The following RGS9 variants were observed in gnomAD, a reference collection of about 807,000 sequenced individuals.
RGS9 encodes the protein regulator of G-protein signalling 9.
RGS9 carries 78 observed loss-of-function variants against 102.0 expected under a neutral mutation model. The observed-to-expected ratio is 0.76, with a 90% CI of 0.64 to 0.92. The LOEUF is 0.92. Ranked by LOEUF, RGS9 falls within the 40% of genes least tolerant of loss-of-function variation. The pLI, the probability that RGS9 is intolerant of heterozygous loss-of-function variation, is 0.00. For missense variants in RGS9, 833 were observed against 866.1 expected, an observed-to-expected ratio of 0.96 and a Z score of 0.48; for synonymous variants, 353 against 318.6, an observed-to-expected ratio of 1.11 and a Z score of -1.15.
At chr17:65,191,023 T>A (rs1057049428) in intron 11 of RGS9, among the ~76,000 whole-genome samples, 2 of 152,212 alleles carry the variant, frequency 1.3e-5, no homozygotes, top group African/African-American at 4.8e-5. Context: ...ATGTTTTACA[T>A]CTTCCTATGT....
chr17:65,170,323 G>T (rs1164914758), intron 8 of RGS9, among the ~76,000 whole-genome samples: 1 of 152,134 alleles, frequency 6.6e-6, no homozygotes, highest in Non-Finnish European at 1.5e-5. Context: ...AAAGTGCTGG[G>T]ATTACAGGCG....
intron 2 of RGS9, 43 bp from the exon 3 acceptor site, chr17:65,158,252 C>G: frequency 6.3e-7 from 1 of 1,590,888 alleles, no homozygotes; most frequent in Non-Finnish European, 8.6e-7. Context: ...GGGGATGTGT[C>G]AGGAGGCTAT....
At chr17:65,203,141 C>A (rs527487970) in intron 14 of RGS9, among the ~76,000 whole-genome samples, 2 of 152,326 alleles carry the variant, frequency 1.3e-5, no homozygotes, top group South Asian at 4.1e-4. Context: ...CCCCGGTTTC[C>A]AGAGAAGCAC....
In RGS9 at chr17:65,224,162, T is replaced by C. The variant is rs147685199; in HGVS notation, c.1408-840T>C. Among the ~76,000 whole-genome samples the C allele has an allele frequency of 9.8e-5, 15 of 152,330 alleles. No individual in the cohort carries two copies. In the East Asian group the frequency reaches 2.9e-3, roughly 29 times the overall value. On this transcript the variant is annotated intron_variant, in intron 17 of 18. Transcript: ENST00000262406. ...TGTTCCGCCATGGGAAAAGTGGTGATAGCAGACAGGCTCACTGAAAATTCC... is the reference window on the plus strand; with the variant it reads ...TGTTCCGCCATGGGAAAAGTGGTGACAGCAGACAGGCTCACTGAAAATTCC...
At chr17:65,149,124 G>C (rs1462841416) in intron 1 of RGS9, among the ~76,000 whole-genome samples, 1 of 127,132 alleles carries the variant, frequency 7.9e-6, no homozygotes, top group East Asian at 2.0e-4. Flanking sequence ...ACCATGCCCG[G>C]CTAGTTTTTT....
At chr17:65,156,516 C>T (rs757677901) in intron 2 of RGS9, among the ~76,000 whole-genome samples, 1 of 152,072 alleles carries the variant, frequency 6.6e-6, no homozygotes, top group Admixed American at 6.5e-5. Flanking sequence ...ACAACAGCAC[C>T]GATAAAAAAA....
intron 9 of RGS9, among the ~76,000 whole-genome samples, chr17:65,181,849 TGTGTA>T (rs1187125816): frequency 1.3e-5 from 2 of 152,250 alleles, no homozygotes; most frequent in African/African-American, 4.8e-5. Flanking sequence ...GGATCACTTA[TGTGTA>T]GTGTCTAGAA....
Position 65,225,123 on chromosome 17 carries a change from C to G in RGS9, c.1529C>G (p.Pro510Arg), listed in dbSNP as rs1172931525. Residue 510 changes from proline (P) to arginine (R), a missense_variant, in exon 18 of 19, where the codon CCC becomes CGC. Physicochemically the swap from Pro to Arg is moderately radical, Grantham distance 103 (BLOSUM62 -2). This residue lies in a region of RGS9 where 320 missense variants were observed against 276.8 expected (regional missense o/e 1.16). Transcript: ENST00000262406. The stretch of plus-strand genomic sequence containing the variant: ...TCCCCCAGGAAGCCTTTCGCCTCAC[C>G]CAGCCGCTTCATCCGGCGACCCAGC... ...CRSPRKPFAS[P>R]SRFIRRPSTT... is the part of the protein sequence containing the mutation. The G allele has an allele frequency of 1.2e-6, 2 of 1,613,878 alleles. No individual in the cohort carries two copies. Among genetic ancestry groups the G allele is most frequent in the Admixed American group, 1.7e-5 (1 of 60,030 alleles).
At chr17:65,206,032 A>G (rs1387393265) in intron 15 of RGS9, among the ~76,000 whole-genome samples, 2 of 152,166 alleles carry the variant, frequency 1.3e-5, no homozygotes, top group African/African-American at 4.8e-5. Context: ...GATATAGGCT[A>G]TGTGATATAG....
At chr17:65,221,429 T>A (rs1913703505) in intron 17 of RGS9, among the ~76,000 whole-genome samples, 1 of 152,214 alleles carries the variant, frequency 6.6e-6, no homozygotes, top group Admixed American at 6.5e-5. Flanking sequence ...TCTGTATCTC[T>A]CTTGACAAAG....
chr17:65,217,828 C>T (rs1470928264), intron 17 of RGS9, among the ~76,000 whole-genome samples: 1 of 152,100 alleles, frequency 6.6e-6, no homozygotes, highest in Non-Finnish European at 1.5e-5. Context: ...AGTTTACTCT[C>T]TGATGTTGCA....
At chr17:65,152,318 G>A (rs577104032) in intron 1 of RGS9, among the ~76,000 whole-genome samples, 147 of 152,294 alleles carry the variant, frequency 9.7e-4, no homozygotes, top group African/African-American at 3.1e-3. Flanking sequence ...AGAGGGAGCC[G>A]GTGGGGAGTG....
intron 1 of RGS9, 38 bp from the exon 2 acceptor site, chr17:65,153,384 G>A (rs1424016159): frequency 6.4e-7 from 1 of 1,562,344 alleles, no homozygotes; most frequent in South Asian, 1.1e-5. Context: ...TTTCAAAATT[G>A]TTCTCGTCAG....
At chr17:65,137,657 G>A (rs1334707487) in intron 1 of RGS9, 60 bp downstream of exon 1, 2 of 1,562,576 alleles carry the variant, frequency 1.3e-6, no homozygotes, top group Non-Finnish European at 1.8e-6. Context: ...TCTGCGAAGC[G>A]TCCGAGGACA....
intron 10 of RGS9, 109 bp downstream of exon 10, chr17:65,189,424 T>A: frequency 2.4e-6 from 2 of 837,822 alleles, no homozygotes; most frequent in Non-Finnish European, 4.2e-6. Flanking sequence ...CCACGTGCAA[T>A]GTTCAAACAA....
intron 5 of RGS9, 131 bp from the exon 6 acceptor site, chr17:65,160,720 C>G: frequency 7.2e-6 from 10 of 1,391,276 alleles, no homozygotes; most frequent in Non-Finnish European, 1.0e-5. Flanking sequence ...TGGGCATGTC[C>G]CCAGGGGCAA....
chr17:65,170,486 G>C (rs1163052380), intron 8 of RGS9, among the ~76,000 whole-genome samples: 1 of 152,206 alleles, frequency 6.6e-6, no homozygotes, highest in Non-Finnish European at 1.5e-5. Context: ...GTTAGTGCCA[G>C]AGGGTCTGAA....
rs117742193 is a variant in RGS9 at position 65,179,615 on chromosome 17, C to G, written c.654+1812C>G. 2.4e-3 allele frequency among the ~76,000 whole-genome samples: 355 copies of G among 149,862 alleles called. 8 individuals carry two copies. The highest frequency in any genetic ancestry group is 0.022 in the East Asian group (113 of 5,110). On this transcript the variant is annotated intron_variant, in intron 9 of 18. Coordinates refer to ENST00000262406, the MANE Select transcript of RGS9 (RefSeq NM_003835.4). ...AACAAAGGGTCACCCATCCGTGACC[C>G]AAGCCAGGATACTGCTCAGCTGTGT...
At chr17:65,148,945 G>A (rs1910471758) in intron 1 of RGS9, among the ~76,000 whole-genome samples, 1 of 150,412 alleles carries the variant, frequency 6.6e-6, no homozygotes, top group Non-Finnish European at 1.5e-5. Flanking sequence ...TACGATGATT[G>A]GTTTTGGTGT....
Sources: gnomAD v4.1 joint callset for allele counts (sites outside exome capture counted in the v4.1 genomes callset) on GRCh38, gnomAD v4.1.1 for gene constraint, gnomAD v4.1.1 regional missense constraint, MANE v1.5 for transcripts, NCBI Gene and HGNC (gene_info 2026-07-23, HGNC 2026-07-21) for gene names.